Variants in SYBU observed in about 807,000 individuals in gnomAD.
The protein encoded by SYBU is GOLSYN A protein.
A neutral mutation model predicts 35.9 loss-of-function variants in SYBU; 21 were observed. That is an observed-to-expected ratio of 0.58 (90% CI 0.41 to 0.84). The LOEUF (loss-of-function observed/expected upper bound fraction) is 0.84, where lower values mean the gene tolerates loss of function less well. Among genes scored for constraint, SYBU ranks in the 40% least tolerant of loss-of-function variants. SYBU has a pLI of 0.00. For missense variants in SYBU, 768 were observed against 848.2 expected, an observed-to-expected ratio of 0.91 and a Z score of 1.17; for synonymous variants, 319 against 324.3, an observed-to-expected ratio of 0.98 and a Z score of 0.18.
chr8:109,689,518 G>T (rs1817595874), intron 1 of SYBU, among the ~76,000 whole-genome samples: 1 of 152,002 alleles, frequency 6.6e-6, no homozygotes, highest in Admixed American at 6.6e-5. Flanking sequence ...TTTTAGTGGA[G>T]ATGGGGTCCC....
At chr8:109,614,605 T>A (rs553286713) in intron 3 of SYBU, among the ~76,000 whole-genome samples, 39 of 152,336 alleles carry the variant, frequency 2.6e-4, no homozygotes, top group African/African-American at 7.7e-4. Context: ...CAAAACATAA[T>A]CTCTTGCACA....
At chr8:109,580,040 G>T (rs371669479) in intron 4 of SYBU, 38 bp from the exon 5 acceptor site, 211 of 1,579,046 alleles carry the variant, frequency 1.3e-4, no homozygotes, top group Non-Finnish European at 1.7e-4. Context: ...AATTCTTGGG[G>T]CTACAGATGC....
intron 3 of SYBU, among the ~76,000 whole-genome samples, chr8:109,597,700 T>A (rs1428844666): frequency 6.6e-6 from 1 of 151,770 alleles, no homozygotes; most frequent in African/African-American, 2.4e-5. Flanking sequence ...GGTGACAGAG[T>A]AAGGCCCTGT....
At chr8:109,644,963 C>T (rs28726128), upstream of SYBU, 19,179 of 520,622 alleles carry the variant, frequency 0.037, 1,305 homozygotes, top group African/African-American at 0.21. Flanking sequence ...CGCGCCCCAC[C>T]CGCCCGATTT....
intron 1 of SYBU, among the ~76,000 whole-genome samples, chr8:109,665,561 T>C (rs1016384852): frequency 6.6e-6 from 1 of 152,212 alleles, no homozygotes; most frequent in African/African-American, 2.4e-5. Flanking sequence ...AATTATAGGG[T>C]AAAGGTGAAA....
chr8:109,668,864 A>G (rs1050186663), intron 1 of SYBU, among the ~76,000 whole-genome samples: 5 of 152,188 alleles, frequency 3.3e-5, no homozygotes, highest in African/African-American at 1.2e-4. Flanking sequence ...TATGATGAAT[A>G]TTTTATGAAA....
intron 5 of SYBU, 141 bp downstream of exon 5, chr8:109,579,658 C>T (rs1456079089): frequency 1.9e-5 from 14 of 755,456 alleles, no homozygotes; most frequent in South Asian, 3.8e-5. Flanking sequence ...AGGAATGAGC[C>T]GAATGTGGGA....
At chr8:109,668,254 T>C (rs1816840112) in intron 1 of SYBU, among the ~76,000 whole-genome samples, 1 of 147,830 alleles carries the variant, frequency 6.8e-6, no homozygotes, top group Non-Finnish European at 1.5e-5. Flanking sequence ...TAAAGTGAAA[T>C]GCGAGGTGTA....
chr8:109,691,242 A>G lies in SYBU; in HGVS notation c.-58+91T>C. ...GTGGTCCTGGGGTCCGGAGCGCCCC[A>G]TCACTGCCCTCATTGTACCGAAGAC... On this transcript the variant is annotated intron_variant, in intron 1 of 7. Transcript: ENST00000422135. This position sits in a 1 kb window ranked among gnomAD's most constrained non-coding sequence, Gnocchi z 4.7. 1.0e-5 allele frequency: 7 copies of G among 685,674 alleles called. No homozygotes were observed. Among genetic ancestry groups the G allele is most frequent in the Non-Finnish European group, 1.9e-5 (7 of 376,982 alleles). 42.5% of individuals were successfully genotyped at this position (685,674 alleles called of 1,614,324 possible).
intron 2 of SYBU, among the ~76,000 whole-genome samples, chr8:109,622,617 A>G (rs964117766): frequency 6.6e-6 from 1 of 152,212 alleles, no homozygotes; most frequent in African/African-American, 2.4e-5. Context: ...ACTAAACTAC[A>G]TGTGGACCAA....
Position 109,691,388 on chromosome 8 carries a change from G to T in SYBU, c.-113C>A, listed in dbSNP as rs956761614. On this transcript the variant is annotated 5_prime_UTR_variant, in exon 1 of 8. Transcript: ENST00000422135. This position sits in a 1 kb window ranked among gnomAD's most constrained non-coding sequence, Gnocchi z 4.7. The stretch of plus-strand genomic sequence containing the variant: ...TGTCCAGGAGGAGGCACCTACGTGC[G>T]CCCGGGAGACCGGGCCCCGGCTGGG... 4.3e-6 allele frequency: 3 copies of T among 693,446 alleles called. No homozygotes were observed. Among genetic ancestry groups the T allele is most frequent in the Non-Finnish European group, 7.9e-6 (3 of 381,236 alleles). 43.0% of individuals were successfully genotyped at this position (693,446 alleles called of 1,614,324 possible).
intron 3 of SYBU, among the ~76,000 whole-genome samples, chr8:109,594,022 T>C (rs1005736613): frequency 6.6e-6 from 1 of 152,272 alleles, no homozygotes; most frequent in African/African-American, 2.4e-5. Flanking sequence ...ACTGAATTTC[T>C]ACCCCCTTAA....
chr8:109,577,996 A>C lies in SYBU; in HGVS notation c.756T>G (p.Ser252=), dbSNP rs1393067409. 6.2e-7 allele frequency: 1 copy of C among 1,612,204 alleles called. No individual in the cohort carries two copies. The highest frequency in any genetic ancestry group is 8.5e-7 in the Non-Finnish European group (1 of 1,179,382). The change falls in exon 6 of 7, where the codon TCT becomes TCG. Residue 252 remains serine (S), a synonymous_variant. Transcript: ENST00000276646. The stretch of plus-strand genomic sequence containing the variant: ...GTCTGACACCATGATTTTCACCGCA[A>C]GACATGTACCTTCCAGAACGCCTGA... ...PIMRRSGRYM[S]CGENHGVRPP...
At chr8:109,624,997 T>A (rs1001245949) in intron 2 of SYBU, among the ~76,000 whole-genome samples, 1 of 152,196 alleles carries the variant, frequency 6.6e-6, no homozygotes, top group African/African-American at 2.4e-5. Flanking sequence ...ATTTCTGGGT[T>A]AAATGATACC....
Position 109,575,368 on chromosome 8 carries a change from G to A in SYBU, c.1530C>T (p.Leu510=). Residue 510 remains leucine (L), a synonymous_variant, in exon 7 of 7, where the codon CTC becomes CTT. Transcript: ENST00000276646. ...SELIQSVLQK[L]QDPCPSSLAS... is the part of the protein sequence containing the mutation. The stretch of plus-strand genomic sequence containing the variant: ...CCAAGCTCGAGGGACAGGGGTCCTG[G>A]AGCTTCTGCAGCACACTCTGAATGA... The A allele has an allele frequency of 6.2e-7, 1 of 1,614,130 alleles. No homozygotes were observed. The highest frequency in any genetic ancestry group is 8.5e-7 in the Non-Finnish European group (1 of 1,180,026).
In SYBU at chr8:109,656,280, A is replaced by G. The variant is rs183860151; in HGVS notation, c.-129+24431T>C. ...CTTGAGACACTAAGTATAGAACCGT[A>G]AGTTTGTTAAAACCAATGTGCTTAT... is the stretch of plus-strand genomic sequence containing the variant. On this transcript the variant is annotated intron_variant, in intron 1 of 5. Coordinates refer to the SYBU transcript ENST00000408889. Among the ~76,000 whole-genome samples the G allele has an allele frequency of 3.9e-5, 6 of 152,336 alleles. No individual in the cohort carries two copies. The East Asian group carries it at 1.2e-3, about 29-fold the overall frequency.
chr8:109,610,968 T>A (rs59467706), intron 3 of SYBU, among the ~76,000 whole-genome samples: 13,818 of 152,250 alleles, frequency 0.091, 741 homozygotes, highest in South Asian at 0.23. Flanking sequence ...ACCTTTGCAG[T>A]CAGTCTCTTC....
rs1404378274 is a variant in SYBU at position 109,618,936 on chromosome 8, G to A, written c.333C>T (p.Phe111=). ...TTCCAATCGTGCATTTCTTTCTGGT[G>A]AAGCCTTCATCACTTCCAGGGCAAA... ...IGFCPGSDEG[F]TRKKCTIGMV... The change falls in exon 3 of 7, where the codon TTC becomes TTT. Residue 111 remains phenylalanine, a synonymous_variant. Coordinates refer to ENST00000276646, the MANE Select transcript of SYBU (RefSeq NM_001099754.2). The A allele has an allele frequency of 6.2e-7, 1 of 1,614,176 alleles. No individual in the cohort carries two copies. The highest frequency in any genetic ancestry group is 1.1e-5 in the South Asian group (1 of 91,088).
At chr8:109,612,977 TAAAAAAAAAAA>T (rs752877654) in intron 3 of SYBU, among the ~76,000 whole-genome samples, 2 of 79,794 alleles carry the variant, frequency 2.5e-5, no homozygotes, top group Non-Finnish European at 5.1e-5. Context: ...AAGACTCTGT[TAAAAAAAAAAA>T]AAAAAAAAGA....
Sources: gnomAD v4.1 joint callset for allele counts (sites outside exome capture counted in the v4.1 genomes callset) on GRCh38, gnomAD v4.1.1 for gene constraint, Gnocchi (gnomAD v3.1) non-coding constraint, MANE v1.5 for transcripts, NCBI Gene and HGNC (gene_info 2026-07-23, HGNC 2026-07-21) for gene names.